ERBB4: variants seen among roughly 807,000 people sequenced by gnomAD.
ERBB4 encodes erb-b2 receptor tyrosine kinase 4, also known as receptor tyrosine-protein kinase erbB-4.
In ERBB4, 42 loss-of-function variants were observed where a neutral mutation model predicts 158.0. The observed-to-expected ratio is 0.27, with a 90% confidence interval of 0.21 to 0.34. The LOEUF (loss-of-function observed/expected upper bound fraction) is 0.34, where lower values mean the gene tolerates loss of function less well. Among genes scored for constraint, ERBB4 ranks in the 10% least tolerant of loss-of-function variants. The probability of loss-of-function intolerance (pLI) is 1.00; values close to 1 mark genes in which losing one functional copy is unlikely to be tolerated. For synonymous variants in ERBB4, 583 were observed against 558.7 expected, an observed-to-expected ratio of 1.04 and a Z score of -0.61; for missense variants, 1,333 against 1,624.1, an observed-to-expected ratio of 0.82 and a Z score of 3.08.
At chr2:212,433,938 A>C (rs1488572023) in intron 1 of ERBB4, among the ~76,000 whole-genome samples, 1 of 151,910 alleles carries the variant, frequency 6.6e-6, no homozygotes, top group Non-Finnish European at 1.5e-5. Flanking sequence ...GCTCAAGGAG[A>C]TACTTTAAGT....
intron 25 of ERBB4, among the ~76,000 whole-genome samples, chr2:211,402,306 T>C (rs949672561): frequency 3.3e-5 from 5 of 152,042 alleles, no homozygotes; most frequent in African/African-American, 1.2e-4. Flanking sequence ...TAAAAAGTTA[T>C]GTAGTAGCTT....
intron 5 of ERBB4, among the ~76,000 whole-genome samples, chr2:211,732,304 TA>T (rs1369618047): frequency 6.6e-6 from 1 of 152,112 alleles, no homozygotes; most frequent in Admixed American, 6.5e-5. Context: ...TCAATTCTTT[TA>T]ACCAGCCACA....
chr2:211,463,601 G>A (rs1266047262), intron 20 of ERBB4, among the ~76,000 whole-genome samples: 1 of 152,136 alleles, frequency 6.6e-6, no homozygotes, highest in Non-Finnish European at 1.5e-5. Context: ...AGTGGACATA[G>A]GAAGCAGCTG....
intron 1 of ERBB4, among the ~76,000 whole-genome samples, chr2:212,192,111 T>A (rs1175877168): frequency 1.0e-5 from 1 of 99,816 alleles, no homozygotes; most frequent in Non-Finnish European, 2.0e-5. Flanking sequence ...ATATATTATA[T>A]ATTATATATA....
intron 1 of ERBB4, among the ~76,000 whole-genome samples, chr2:212,520,224 A>T (rs1467461449): frequency 6.6e-6 from 1 of 151,980 alleles, no homozygotes. Context: ...GAGGAAAATC[A>T]GTTGTATTGA....
At chr2:212,039,353 T>C (rs981444336) in intron 2 of ERBB4, among the ~76,000 whole-genome samples, 2 of 152,164 alleles carry the variant, frequency 1.3e-5, no homozygotes, top group African/African-American at 4.8e-5. Flanking sequence ...CCTTTTTATA[T>C]ATGGTTGAAC....
At chr2:211,771,902 A>G (rs1174503416) in intron 4 of ERBB4, among the ~76,000 whole-genome samples, 1 of 152,176 alleles carries the variant, frequency 6.6e-6, no homozygotes, top group Non-Finnish European at 1.5e-5. Context: ...AGGTGGTAGT[A>G]CCTGGTGTAC....
chr2:211,727,517 T>A (rs2074304497), intron 5 of ERBB4, among the ~76,000 whole-genome samples: 1 of 151,920 alleles, frequency 6.6e-6, no homozygotes, highest in Admixed American at 6.6e-5. Context: ...AATGGCAGTA[T>A]CTCCTCAGGG....
At chr2:212,320,480 T>A in intron 1 of ERBB4, among the ~76,000 whole-genome samples, 2 of 138,932 alleles carry the variant, frequency 1.4e-5, no homozygotes, top group Non-Finnish European at 3.2e-5. Flanking sequence ...ATTTTCTCAC[T>A]AACAGGACTA....
At chr2:211,614,708 TAA>T (rs1471248811) in intron 19 of ERBB4, among the ~76,000 whole-genome samples, 1 of 152,100 alleles carries the variant, frequency 6.6e-6, no homozygotes, top group Non-Finnish European at 1.5e-5. Flanking sequence ...TGTTATACTC[TAA>T]GAGAAAATGT....
At chr2:211,997,899 C>CACACACAT (rs1375222903) in intron 2 of ERBB4, among the ~76,000 whole-genome samples, 1 of 43,600 alleles carries the variant, frequency 2.3e-5, no homozygotes, top group Non-Finnish European at 1.2e-4. Flanking sequence ...TATTTTTATA[C>CACACACAT]ACACACACAT....
chr2:211,393,539 TCAAA>T (rs1192361771), intron 25 of ERBB4, among the ~76,000 whole-genome samples: 2 of 152,192 alleles, frequency 1.3e-5, no homozygotes, highest in South Asian at 2.1e-4. Context: ...AACTATTTTC[TCAAA>T]CAAATTCTTA....
intron 1 of ERBB4, among the ~76,000 whole-genome samples, chr2:212,526,621 T>TATCA (rs1692460813): frequency 6.6e-6 from 1 of 152,006 alleles, no homozygotes; most frequent in Non-Finnish European, 1.5e-5. Context: ...TGACTTGAAA[T>TATCA]ACTAATCTTT....
intron 3 of ERBB4, among the ~76,000 whole-genome samples, chr2:211,854,957 A>G (rs184278507): frequency 5.7e-4 from 87 of 152,272 alleles, no homozygotes; most frequent in African/African-American, 1.9e-3. Flanking sequence ...AAGTGGATGT[A>G]CCAATTTAAA....
At chr2:211,551,020 G>A (rs763533113) in intron 20 of ERBB4, among the ~76,000 whole-genome samples, 1 of 151,356 alleles carries the variant, frequency 6.6e-6, no homozygotes, top group Non-Finnish European at 1.5e-5. Context: ...ACAGCTCACT[G>A]CAATCTGCGC....
In ERBB4 at chr2:211,580,810, ATAAT is replaced by A. The variant is rs1390347513; in HGVS notation, c.2302-18726_2302-18723del. Among the ~76,000 whole-genome samples the A allele has an allele frequency of 7.9e-5, 4 of 50,616 alleles. 1 individual carries two copies. The highest frequency in any genetic ancestry group is 1.2e-4 in the Non-Finnish European group (4 of 32,240). The allele number at this position is 50,616 out of a possible 152,430, so 33.2% of individuals were successfully genotyped here. ...GTGATATATATATATATATATATAT[ATAAT>A]ATATATATATTATATATATAGATTA... On this transcript the variant is annotated intron_variant, in intron 19 of 27. Coordinates refer to ENST00000342788, the MANE Select transcript of ERBB4 (RefSeq NM_005235.3).
At chr2:212,412,676 T>G (rs996909347) in intron 1 of ERBB4, among the ~76,000 whole-genome samples, 3 of 152,186 alleles carry the variant, frequency 2.0e-5, no homozygotes, top group African/African-American at 7.2e-5. Context: ...TTATTTCAAG[T>G]CAAGCATGAT....
chr2:211,964,915 A>T (rs779879114), intron 2 of ERBB4, among the ~76,000 whole-genome samples: 19 of 152,124 alleles, frequency 1.2e-4, no homozygotes, highest in Non-Finnish European at 1.8e-4. Flanking sequence ...TATAGGTGGC[A>T]CTGTGCTCAC....
At chr2:211,496,951 T>A (rs1460569555) in intron 20 of ERBB4, among the ~76,000 whole-genome samples, 1 of 152,108 alleles carries the variant, frequency 6.6e-6, no homozygotes, top group Non-Finnish European at 1.5e-5. Context: ...TTTTTTCCTA[T>A]ATGTTTATGG....
Sources: allele counts gnomAD v4.1 joint callset (sites outside exome capture counted in the v4.1 genomes callset), GRCh38; gene constraint gnomAD v4.1.1; transcripts MANE v1.5; gene names NCBI Gene and HGNC (gene_info 2026-07-23, HGNC 2026-07-21).